The following CPA6 variants were observed in gnomAD, a reference collection of about 807,000 sequenced individuals.
The protein encoded by CPA6 is carboxypeptidase B.
CPA6 carries 58 observed loss-of-function variants against 63.3 expected under a neutral mutation model. The observed-to-expected ratio is 0.92, with a 90% CI of 0.74 to 1.14. The LOEUF (loss-of-function observed/expected upper bound fraction) is 1.14. Among genes scored for constraint, CPA6 ranks in the 50% most tolerant of loss-of-function variants. CPA6 has a pLI of 0.00. For synonymous variants in CPA6, 185 were observed against 179.0 expected, an observed-to-expected ratio of 1.03 and a Z score of -0.27; for missense variants, 565 against 526.6, an observed-to-expected ratio of 1.07 and a Z score of -0.71.
chr8:67,620,601 C>T (rs1234860311), intron 2 of CPA6, among the ~76,000 whole-genome samples: 6 of 152,306 alleles, frequency 3.9e-5, no homozygotes, highest in East Asian at 1.9e-4. Flanking sequence ...AGATGACACA[C>T]GGTCATATTC....
intron 8 of CPA6, among the ~76,000 whole-genome samples, chr8:67,476,874 C>T (rs922557912): frequency 6.6e-6 from 1 of 152,160 alleles, no homozygotes; most frequent in African/African-American, 2.4e-5. Context: ...GAGCATTTAG[C>T]ACTTACTTGG....
At chr8:67,473,598 G>A (rs1263737153) in intron 8 of CPA6, among the ~76,000 whole-genome samples, 1 of 151,976 alleles carries the variant, frequency 6.6e-6, no homozygotes, top group Non-Finnish European at 1.5e-5. Context: ...GTTTTAAGGG[G>A]ATTTTATTTT....
chr8:67,621,168 C>T (rs2128986499), intron 2 of CPA6, among the ~76,000 whole-genome samples: 1 of 152,326 alleles, frequency 6.6e-6, no homozygotes, highest in East Asian at 1.9e-4. Context: ...CTGTGTGACT[C>T]TATTGGGAGA....
intron 2 of CPA6, among the ~76,000 whole-genome samples, chr8:67,593,524 C>T (rs1814198722): frequency 1.3e-5 from 2 of 152,092 alleles, no homozygotes; most frequent in African/African-American, 4.8e-5. Flanking sequence ...GAGTCTAAGT[C>T]TCTTTGTAGG....
intron 1 of CPA6, among the ~76,000 whole-genome samples, chr8:67,729,787 A>C (rs1411254021): frequency 6.6e-6 from 1 of 152,090 alleles, no homozygotes; most frequent in African/African-American, 2.4e-5. Context: ...AGGTATATAA[A>C]ATATAGGAGA....
At chr8:67,702,301 T>C (rs1340686247) in intron 1 of CPA6, among the ~76,000 whole-genome samples, 1 of 152,198 alleles carries the variant, frequency 6.6e-6, no homozygotes, top group African/African-American at 2.4e-5. Context: ...TCAGCATTAC[T>C]ATATGGAGAT....
chr8:67,702,540 T>C (rs1321869450), intron 1 of CPA6, among the ~76,000 whole-genome samples: 3 of 151,634 alleles, frequency 2.0e-5, no homozygotes, highest in South Asian at 4.2e-4. Context: ...TCCCAAAAGA[T>C]AGAAAACACT....
intron 3 of CPA6, among the ~76,000 whole-genome samples, chr8:67,513,964 A>G (rs1466295381): frequency 6.7e-6 from 1 of 150,160 alleles, no homozygotes; most frequent in Non-Finnish European, 1.5e-5. Context: ...AAACATAGAA[A>G]ATTTTTTTTT....
chr8:67,653,416 A>C (rs1475340855), intron 1 of CPA6, among the ~76,000 whole-genome samples: 16 of 150,948 alleles, frequency 1.1e-4, no homozygotes, highest in African/African-American at 3.2e-4. Context: ...CTTTTATTTC[A>C]TTGAGCAGTG....
At chr8:67,470,618 A>T (rs1811037104) in intron 8 of CPA6, among the ~76,000 whole-genome samples, 2 of 152,070 alleles carry the variant, frequency 1.3e-5, no homozygotes, top group Non-Finnish European at 1.5e-5. Flanking sequence ...GACTATTAAC[A>T]TTATTTTTAT....
At chr8:67,537,811 C>T (rs1417755669) in intron 2 of CPA6, among the ~76,000 whole-genome samples, 1 of 152,178 alleles carries the variant, frequency 6.6e-6, no homozygotes, top group Non-Finnish European at 1.5e-5. Flanking sequence ...CCCACTTTCT[C>T]TTATGGACAT....
chr8:67,596,405 C>G (rs1814336318), intron 2 of CPA6, among the ~76,000 whole-genome samples: 1 of 152,192 alleles, frequency 6.6e-6, no homozygotes, highest in African/African-American at 2.4e-5. Flanking sequence ...AGCTGTTAAG[C>G]TGCTTGTTTT....
intron 6 of CPA6, among the ~76,000 whole-genome samples, chr8:67,492,067 G>A (rs570561427): frequency 1.3e-5 from 2 of 152,290 alleles, no homozygotes; most frequent in East Asian, 3.9e-4. Context: ...AGGTGAAAGT[G>A]TGGCAAAGAA....
chr8:67,491,300 A>G (rs1158407887), intron 6 of CPA6, among the ~76,000 whole-genome samples: 1 of 151,760 alleles, frequency 6.6e-6, no homozygotes, highest in East Asian at 1.9e-4. Flanking sequence ...TGCTCATTAA[A>G]TACAAAATGG....
At chr8:67,424,746 T>C (rs1468827041) in intron 10 of CPA6, among the ~76,000 whole-genome samples, 2 of 152,240 alleles carry the variant, frequency 1.3e-5, no homozygotes, top group African/African-American at 4.8e-5. Context: ...TCTACCCGTG[T>C]ATTAAACCTT....
chr8:67,446,824 A>AT (rs878915055), intron 8 of CPA6, among the ~76,000 whole-genome samples: 2 of 152,128 alleles, frequency 1.3e-5, no homozygotes, highest in Admixed American at 6.5e-5. Context: ...CCACTGTCAA[A>AT]TTATCCTGGA....
intron 1 of CPA6, among the ~76,000 whole-genome samples, chr8:67,701,934 C>T (rs867612398): frequency 6.6e-6 from 1 of 152,130 alleles, no homozygotes; most frequent in African/African-American, 2.4e-5. Flanking sequence ...ACCCAAGGAC[C>T]CCTTTTGTAT....
At position 67,424,307 on chromosome 8, in the gene CPA6, C is replaced by A. The variant is rs554635710; in HGVS notation, c.1127-1616G>T. 2.6e-5 allele frequency among the ~76,000 whole-genome samples: 4 copies of A among 152,248 alleles called. No homozygotes were observed. In the South Asian group the frequency reaches 8.3e-4, roughly 32 times the overall value. ...TCATCCTAAAACCATTCCTCCCCCA[C>A]CCCACCCCTGTCCGTGGAATAACTG... On this transcript the variant is annotated intron_variant, in intron 10 of 10. Coordinates refer to ENST00000297770, the MANE Select transcript of CPA6 (RefSeq NM_020361.5).
chr8:67,645,109 G>A lies in CPA6; in HGVS notation c.117-20858C>T, dbSNP rs547738222. ...AAAATTCTCAGGGGTATCAAAAAAA[G>A]CAATAATTAAATGAGGCACCGCAAG... On this transcript the variant is annotated intron_variant, in intron 1 of 10. Transcript: ENST00000297770. Among the ~76,000 whole-genome samples the A allele has an allele frequency of 2.0e-5, 3 of 152,240 alleles. No individual in the cohort carries two copies. In the East Asian group the frequency reaches 5.8e-4, roughly 29 times the overall value.
Sources: gnomAD v4.1 joint callset for allele counts (sites outside exome capture counted in the v4.1 genomes callset) on GRCh38, gnomAD v4.1.1 for gene constraint, MANE v1.5 for transcripts, NCBI Gene and HGNC (gene_info 2026-07-23, HGNC 2026-07-21) for gene names.